PITPNM3: variants seen among roughly 807,000 people sequenced by gnomAD.
The protein encoded by PITPNM3 is membrane-associated phosphatidylinositol transfer protein 3.
Under a neutral mutation model 102.0 loss-of-function variants are expected in PITPNM3, and 26 were observed. The ratio of observed to expected loss-of-function variants is 0.25; its 90% confidence interval spans 0.19 to 0.35. PITPNM3 has a LOEUF of 0.35. Ranked by LOEUF, PITPNM3 falls within the 10% of genes least tolerant of loss-of-function variation. PITPNM3 has a pLI of 1.00. For synonymous variants in PITPNM3, 578 were observed against 558.6 expected (o/e 1.03, Z -0.49); for missense variants, 1,083 against 1,346.1 (o/e 0.80, Z 3.06).
At chr17:6,531,095 C>G (rs1256177274) in intron 2 of PITPNM3, among the ~76,000 whole-genome samples, 2 of 152,222 alleles carry the variant, frequency 1.3e-5, no homozygotes, top group Non-Finnish European at 2.9e-5. Flanking sequence ...CTGTTTGTAC[C>G]TAGATGTTTG....
Position 6,457,802 on chromosome 17 carries a change from C to T in PITPNM3, c.2491-80G>A, listed in dbSNP as rs184627792. The T allele has an allele frequency of 5.0e-4, 763 of 1,531,864 alleles. 5 individuals carry two copies. In the African/African-American group the frequency reaches 9.2e-3, roughly 18 times the overall value. 94.9% of individuals were successfully genotyped at this position (1,531,864 alleles called of 1,614,324 possible). ...GCCTTCCCAGGCCAACCCCAGGGGGCCCCTGCTTGGGGACCCTTTATGTGC... is the reference window on the plus strand; with the variant it reads ...GCCTTCCCAGGCCAACCCCAGGGGGTCCCTGCTTGGGGACCCTTTATGTGC... On this transcript the variant is annotated intron_variant, in intron 18 of 19. Transcript: ENST00000262483. The surrounding 1 kb of genome is among the most constrained non-coding windows in gnomAD (Gnocchi z 4.7).
At chr17:6,552,845 CA>C (rs1910389993) in intron 1 of PITPNM3, among the ~76,000 whole-genome samples, 1 of 146,956 alleles carries the variant, frequency 6.8e-6, no homozygotes, top group Non-Finnish European at 1.5e-5. Context: ...CGGCTCACTG[CA>C]AGCTCTGACT....
chr17:6,492,371 A>C (rs1906542091), intron 4 of PITPNM3, among the ~76,000 whole-genome samples: 1 of 152,110 alleles, frequency 6.6e-6, no homozygotes, highest in African/African-American at 2.4e-5. Context: ...CCTATGCAAG[A>C]ACATTTTAAA....
At chr17:6,534,362 C>T (rs1379061661) in intron 2 of PITPNM3, among the ~76,000 whole-genome samples, 1 of 152,204 alleles carries the variant, frequency 6.6e-6, no homozygotes, top group East Asian at 1.9e-4. Context: ...TCCCTAATCC[C>T]TCCCATGCCT....
chr17:6,495,527 C>T (rs972678650), intron 4 of PITPNM3, among the ~76,000 whole-genome samples: 1 of 152,188 alleles, frequency 6.6e-6, no homozygotes, highest in Non-Finnish European at 1.5e-5. Context: ...CATAAGAAGA[C>T]CTGGCCATCC....
chr17:6,531,143 A>G (rs1909124961), intron 2 of PITPNM3, among the ~76,000 whole-genome samples: 1 of 152,264 alleles, frequency 6.6e-6, no homozygotes, highest in Non-Finnish European at 1.5e-5. Flanking sequence ...AATTATTTCC[A>G]ATATCCAAAT....
chr17:6,462,252 T>C (rs1033565843), intron 17 of PITPNM3, among the ~76,000 whole-genome samples: 1 of 152,216 alleles, frequency 6.6e-6, no homozygotes, highest in Non-Finnish European at 1.5e-5. Context: ...AGTGTTTCCA[T>C]GGTGATTCCT....
chr17:6,510,962 G>A (rs113788758), intron 3 of PITPNM3, among the ~76,000 whole-genome samples: 1 of 152,242 alleles, frequency 6.6e-6, no homozygotes, highest in African/African-American at 2.4e-5. Context: ...TTGACTAGGA[G>A]ACAGTGGGGG....
rs1358386967 is a variant in PITPNM3, at chr17:6,517,572, T to A, written c.226+7784A>T. On this transcript the variant is annotated intron_variant, in intron 3 of 19. Transcript: ENST00000262483. The surrounding 1 kb of genome is among the most constrained non-coding windows in gnomAD (Gnocchi z 4.1). ...GCCAGTTTTTATTTTTAATTTTTTTTTTTTTGAGACAGGGGCTCATTCTGT... is the reference window on the plus strand; with the variant it reads ...GCCAGTTTTTATTTTTAATTTTTTTATTTTTGAGACAGGGGCTCATTCTGT... Among the ~76,000 whole-genome samples the A allele has an allele frequency of 6.6e-6, 1 of 152,152 alleles. No homozygotes were observed. The highest frequency in any genetic ancestry group is 2.4e-5 in the African/African-American group (1 of 41,434).
rs1044642085 is a variant in PITPNM3, at chr17:6,457,839, C to A, written c.2491-117G>T. ...GACCCTTTATGTGCACTCTGGTAGA[C>A]TCCAAGCCATGGGGCCACCCTGTGT... On this transcript the variant is annotated intron_variant, in intron 18 of 19. Transcript: ENST00000262483. This position sits in a 1 kb window ranked among gnomAD's most constrained non-coding sequence, Gnocchi z 4.7. The A allele has an allele frequency of 1.1e-5, 16 of 1,417,936 alleles. No individual in the cohort carries two copies. In the Admixed American group the frequency reaches 3.2e-4, roughly 28 times the overall value. The allele number at this position is 1,417,936 out of a possible 1,614,324, so 87.8% of individuals were successfully genotyped here.
rs1404084776 is a variant in PITPNM3, at chr17:6,519,534, AG to A, written c.226+5821del. On this transcript the variant is annotated intron_variant, in intron 3 of 19. Transcript: ENST00000262483. ...ACTCCGTCTCAGAAAAAAAAAAAAA[AG>A]ATTTGTAAACAAGGCTGGATGCAGT... Among the ~76,000 whole-genome samples, 3 of 149,334 alleles carry A rather than the reference AG, an allele frequency of 2.0e-5. No homozygotes were observed. In the East Asian group the frequency reaches 6.0e-4, roughly 30 times the overall value.
intron 2 of PITPNM3, among the ~76,000 whole-genome samples, chr17:6,527,405 G>C (rs78724724): frequency 0.049 from 7,526 of 152,228 alleles, 273 homozygotes; most frequent in South Asian, 0.15. Context: ...GAAGATGCAG[G>C]TAAAGGTGTT....
Position 6,478,973 on chromosome 17 carries a change from G to A in PITPNM3, c.588-237C>T, listed in dbSNP as rs1905497009. On this transcript the variant is annotated intron_variant, in intron 6 of 19. Coordinates refer to ENST00000262483, the MANE Select transcript of PITPNM3 (RefSeq NM_031220.4). The surrounding 1 kb of genome is among the most constrained non-coding windows in gnomAD (Gnocchi z 4.4). ...TGTCCTTCCCGTGCTGGCCATGGGT[G>A]TGGGCCCTGGGGTCCCTGTGACTGC... The A allele has an allele frequency of 1.7e-6, 1 of 572,252 alleles. No homozygotes were observed. Among genetic ancestry groups the A allele is most frequent in the Non-Finnish European group, 3.1e-6 (1 of 321,442 alleles). 35.4% of individuals were successfully genotyped at this position (572,252 alleles called of 1,614,324 possible).
intron 6 of PITPNM3, chr17:6,480,545 C>T (rs1196631746): frequency 1.3e-5 from 2 of 152,308 alleles, no homozygotes; most frequent in African/African-American, 2.4e-5. Context: ...CCCACCCTTC[C>T]CAGCTCCGGA....
At chr17:6,493,252 C>A (rs1906601457) in intron 4 of PITPNM3, among the ~76,000 whole-genome samples, 1 of 152,206 alleles carries the variant, frequency 6.6e-6, no homozygotes, top group Non-Finnish European at 1.5e-5. Context: ...CCCTGCCCTG[C>A]CCCTGCAGCT....
chr17:6,501,834 T>C (rs1907197461), intron 4 of PITPNM3, among the ~76,000 whole-genome samples: 1 of 152,206 alleles, frequency 6.6e-6, no homozygotes. Flanking sequence ...GCTTCCCCCG[T>C]GGCCTTGCAT....
intron 2 of PITPNM3, among the ~76,000 whole-genome samples, chr17:6,528,534 T>C (rs547325573): frequency 1.5e-5 from 2 of 133,128 alleles, no homozygotes; most frequent in East Asian, 4.5e-4. Flanking sequence ...TGTGTGTACA[T>C]GCAAGTGAGT....
intron 3 of PITPNM3, among the ~76,000 whole-genome samples, chr17:6,521,792 A>G (rs2150637644): frequency 6.6e-6 from 1 of 152,330 alleles, no homozygotes; most frequent in Non-Finnish European, 1.5e-5. Context: ...ACGAATAAAG[A>G]AAGAGGCTCC....
rs147158705 is a variant in PITPNM3 at position 6,477,212 on chromosome 17, T to C, written c.902A>G (p.Asp301Gly). The C allele has an allele frequency of 3.2e-5, 52 of 1,613,802 alleles. No individual in the cohort carries two copies. Among genetic ancestry groups the C allele is most frequent in the Non-Finnish European group, 3.7e-5 (44 of 1,179,952 alleles). The change falls in exon 9 of 20, where the codon GAC becomes GGC. Residue 301 changes from aspartate (D) to glycine (G), a missense_variant and splice_region_variant. Transcript: ENST00000262483. ...SRKGSISSTQ[D>G]TPVAVEEDCS... ...ATCTTCCTCCACCGCGACTGGGGTG[T>C]CCTTTGGGACCGAACAGGGGACAGG... is the stretch of plus-strand genomic sequence containing the variant.
Sources: allele counts gnomAD v4.1 joint callset (sites outside exome capture counted in the v4.1 genomes callset), GRCh38; gene constraint gnomAD v4.1.1; non-coding constraint Gnocchi (gnomAD v3.1); transcripts MANE v1.5; gene names NCBI Gene and HGNC (gene_info 2026-07-23, HGNC 2026-07-21).